The following UTP6 variants were observed in gnomAD, a reference collection of about 807,000 sequenced individuals.
UTP6 encodes the protein U3 small nucleolar RNA-associated protein 6 homolog.
Under a neutral mutation model 96.5 loss-of-function variants are expected in UTP6, and 60 were observed. The ratio of observed to expected loss-of-function variants is 0.62; its 90% CI spans 0.51 to 0.77. The LOEUF (loss-of-function observed/expected upper bound fraction) is 0.77, where lower values mean the gene tolerates loss of function less well. Ranked by LOEUF, UTP6 falls within the 30% of genes least tolerant of loss-of-function variation. UTP6 has a pLI of 0.00. For missense variants in UTP6, 637 were observed against 706.5 expected, an observed-to-expected ratio of 0.90 and a Z score of 1.12; for synonymous variants, 215 against 240.1, an observed-to-expected ratio of 0.90 and a Z score of 0.96.
intron 5 of UTP6, 110 bp from the exon 6 acceptor site, chr17:31,892,433 C>T (rs1340080725): frequency 1.4e-5 from 15 of 1,107,324 alleles, no homozygotes; most frequent in Admixed American, 2.2e-5. Context: ...TGGAGCATGA[C>T]ATGCTATTGC....
At position 31,883,671 on chromosome 17, in the gene UTP6, C is replaced by A. The variant is rs369073403; in HGVS notation, c.785+753G>T. Among the ~76,000 whole-genome samples the A allele has an allele frequency of 4.6e-5, 7 of 151,620 alleles. No homozygotes were observed. In the East Asian group the frequency reaches 7.8e-4, roughly 17 times the overall value. On this transcript the variant is annotated intron_variant, in intron 10 of 18. Transcript: ENST00000261708. The stretch of plus-strand genomic sequence containing the variant: ...CCCCCAGTAAGTGAATCAAAGAACT[C>A]AATCAGGAAGATACTTTTTTTCTGA...
intron 13 of UTP6, 95 bp from the exon 14 acceptor site, chr17:31,875,508 A>T (rs981583059): frequency 7.3e-7 from 1 of 1,376,856 alleles, no homozygotes; most frequent in African/African-American, 1.5e-5. Context: ...CAAGAATTTC[A>T]CCAACCTTTC....
chr17:31,879,726 T>G (rs945942613), intron 11 of UTP6, among the ~76,000 whole-genome samples: 1 of 151,972 alleles, frequency 6.6e-6, no homozygotes, highest in Non-Finnish European at 1.5e-5. Flanking sequence ...AGAAATTATT[T>G]CCTAAGCTTC....
rs1349789085 is a variant in UTP6, at chr17:31,878,314, G to A, written c.1061C>T (p.Thr354Ile). The A allele has an allele frequency of 6.2e-7, 1 of 1,614,022 alleles. No individual in the cohort carries two copies. The highest frequency in any genetic ancestry group is 8.5e-7 in the Non-Finnish European group (1 of 1,180,036). Residue 354 changes from threonine (T) to isoleucine (I), a missense_variant, in exon 13 of 19, where the codon ACC becomes ATC. By Grantham distance (89) the Thr-to-Ile change is moderately conservative. Transcript: ENST00000261708. ...ATGTGCCTTCCTGAATACAGTCATG[G>A]TTCTTTCCAACCTCTGAAAACAGAA... ...GFLRGKRLER[T>I]MTVFRKAHEL... is the part of the protein sequence containing the mutation.
At chr17:31,876,944 G>A (rs921793232) in intron 13 of UTP6, among the ~76,000 whole-genome samples, 1 of 152,148 alleles carries the variant, frequency 6.6e-6, no homozygotes, top group African/African-American at 2.4e-5. Flanking sequence ...CCTGGGAGGA[G>A]GAAGTTGCAG....
chr17:31,873,628 TC>T (rs1297292514), intron 15 of UTP6, 44 bp downstream of exon 15: 1 of 1,613,308 alleles, frequency 6.2e-7, no homozygotes, highest in Non-Finnish European at 8.5e-7. Context: ...CAGGGAACCT[TC>T]TGCCATTCCC....
At chr17:31,881,030 GCCAGGCATGATGGCATGTGACTGTAGTC>G (rs1168235091) in intron 10 of UTP6, among the ~76,000 whole-genome samples, 1 of 151,934 alleles carries the variant, frequency 6.6e-6, no homozygotes, top group East Asian at 1.9e-4. Flanking sequence ...ACAAAAATAA[GCCAGGCATGATGGCATGTGACTGTAGTC>G]CCAGCTACTA....
chr17:31,887,494 C>A, intron 7 of UTP6, 181 bp from the exon 8 acceptor site: 1 of 548,508 alleles, frequency 1.8e-6, no homozygotes. Context: ...ATTAGAGGTG[C>A]ATTCCATCAC....
At position 31,889,405 on chromosome 17, in the gene UTP6, T is replaced by C. The variant is rs1911336311; in HGVS notation, c.425-2A>G. On this transcript the variant is annotated splice_acceptor_variant, in intron 6 of 18. Coordinates refer to ENST00000261708, the MANE Select transcript of UTP6 (RefSeq NM_018428.3). LOFTEE classifies it high-confidence loss of function. ...ATTTGGCTGCCATAATCCACAAAGC[T>C]GTAAGTGAAAAACCATCAGATTTCA... 1 of 1,607,510 alleles carries C rather than the reference T, an allele frequency of 6.2e-7. No individual in the cohort carries two copies. The highest frequency in any genetic ancestry group is 2.2e-5 in the East Asian group (1 of 44,788).
chr17:31,863,563 AG>A, intron 18 of UTP6, 47 bp from the exon 19 acceptor site: 1 of 1,507,712 alleles, frequency 6.6e-7, no homozygotes, highest in Non-Finnish European at 9.0e-7. Context: ...GAGTGTTATT[AG>A]GTAACCTTAT....
At chr17:31,868,327 T>G (rs952943660) in intron 16 of UTP6, among the ~76,000 whole-genome samples, 2 of 140,612 alleles carry the variant, frequency 1.4e-5, no homozygotes, top group East Asian at 2.1e-4. Context: ...GTTTTTTGGT[T>G]TTTTTTTTTT....
Position 31,880,568 on chromosome 17 carries a change from T to C in UTP6, c.967+5A>G. On this transcript the variant is annotated splice_donor_5th_base_variant and intron_variant, in intron 11 of 18. Coordinates refer to ENST00000261708, the MANE Select transcript of UTP6 (RefSeq NM_018428.3). ...TATATCACACCATGGTTTGGTGAAGTTCACCTGTTGGCAGAGTCTTCACTG... is the reference window on the plus strand; with the variant it reads ...TATATCACACCATGGTTTGGTGAAGCTCACCTGTTGGCAGAGTCTTCACTG... 3 of 1,614,122 alleles carry C rather than the reference T, an allele frequency of 1.9e-6. No homozygotes were observed. Among genetic ancestry groups the C allele is most frequent in the Non-Finnish European group, 2.5e-6 (3 of 1,180,002 alleles).
chr17:31,900,097 T>C (rs1460463402), intron 1 of UTP6, among the ~76,000 whole-genome samples: 1 of 151,724 alleles, frequency 6.6e-6, no homozygotes, highest in African/African-American at 2.4e-5. Context: ...TAAGCCGAGA[T>C]CGCGCCACTG....
At chr17:31,866,242 G>A (rs750621991) in intron 17 of UTP6, among the ~76,000 whole-genome samples, 15 of 144,810 alleles carry the variant, frequency 1.0e-4, no homozygotes, top group Non-Finnish European at 1.9e-4. Context: ...AGCCGAGATC[G>A]CGCCACTACA....
At chr17:31,894,040 G>A (rs1276700565) in intron 4 of UTP6, among the ~76,000 whole-genome samples, 1 of 151,794 alleles carries the variant, frequency 6.6e-6, no homozygotes, top group Non-Finnish European at 1.5e-5. Context: ...AGGCTGAGGT[G>A]GGCAGATCAC....
chr17:31,894,268 C>CAAAAAA (rs1179270340), intron 4 of UTP6, among the ~76,000 whole-genome samples: 1 of 63,004 alleles, frequency 1.6e-5, no homozygotes, highest in Non-Finnish European at 3.3e-5. Context: ...GACCTTATCT[C>CAAAAAA]AAAAAAAAAA....
rs140780154 is a variant in UTP6, at chr17:31,891,095, A to T, written c.424+1165T>A. 3.7e-4 allele frequency among the ~76,000 whole-genome samples: 56 copies of T among 152,322 alleles called. No homozygotes were observed. The East Asian group carries it at 0.01, about 28-fold the overall frequency. Reference sequence around the variant, plus strand: ...GTTAACATTCTAGCTATTTCCCTAGACATTTAATAAAGGTCACCTATCTTA... The same window carrying T: ...GTTAACATTCTAGCTATTTCCCTAGTCATTTAATAAAGGTCACCTATCTTA... On this transcript the variant is annotated intron_variant, in intron 6 of 18. Transcript: ENST00000261708.
intron 6 of UTP6, among the ~76,000 whole-genome samples, chr17:31,890,002 A>G (rs898979730): frequency 4.6e-5 from 7 of 152,072 alleles, no homozygotes; most frequent in African/African-American, 1.7e-4. Context: ...ACATTATTGT[A>G]AGTCACATAC....
chr17:31,885,975 C>A lies in UTP6; in HGVS notation c.703+5G>T. The stretch of plus-strand genomic sequence containing the variant: ...TACCAAAAATAATGTTCAAAAGATA[C>A]CTACCTTTAATTATGCTTACAGAAT... On this transcript the variant is annotated splice_donor_5th_base_variant and intron_variant, in intron 9 of 18. Transcript: ENST00000261708. 6.2e-7 allele frequency: 1 copy of A among 1,609,632 alleles called. No individual in the cohort carries two copies. Among genetic ancestry groups the A allele is most frequent in the Non-Finnish European group, 8.5e-7 (1 of 1,178,086 alleles).
Sources: allele counts gnomAD v4.1 joint callset (sites outside exome capture counted in the v4.1 genomes callset), GRCh38; gene constraint gnomAD v4.1.1; transcripts MANE v1.5; gene names NCBI Gene and HGNC (gene_info 2026-07-23, HGNC 2026-07-21).